The following CNIH1 variants were observed in gnomAD, a reference collection of about 807,000 sequenced individuals.
The protein encoded by CNIH1 is protein cornichon homolog 1.
CNIH1 carries 12 observed loss-of-function variants against 20.2 expected under a neutral mutation model. The ratio of observed to expected loss-of-function variants is 0.59; its 90% CI spans 0.38 to 0.96. The LOEUF (loss-of-function observed/expected upper bound fraction) is 0.96, where lower values mean the gene tolerates loss of function less well. Ranked by LOEUF, CNIH1 falls within the 40% of genes least tolerant of loss-of-function variation. The pLI is 0.00. For missense variants in CNIH1, 152 were observed against 178.8 expected, an observed-to-expected ratio of 0.85 and a Z score of 0.85; for synonymous variants, 69 against 63.3, an observed-to-expected ratio of 1.09 and a Z score of -0.43.
At chr14:54,429,618 G>A (rs10131254) in intron 4 of CNIH1, among the ~76,000 whole-genome samples, 2,277 of 152,200 alleles carry the variant, frequency 0.015, 50 homozygotes, top group African/African-American at 0.051. Context: ...AATTAGCCGG[G>A]CGTGGTGGTG....
chr14:54,432,307 A>T (rs1432904082), intron 2 of CNIH1, 87 bp from the exon 3 acceptor site: 1 of 576,058 alleles, frequency 1.7e-6, no homozygotes, highest in African/African-American at 2.0e-5. Flanking sequence ...CCAAGTTTCC[A>T]TAATGAAAAA....
intron 1 of CNIH1, among the ~76,000 whole-genome samples, chr14:54,440,844 T>G (rs535631789): frequency 6.7e-4 from 102 of 152,344 alleles, no homozygotes; most frequent in African/African-American, 2.4e-3. Context: ...AGTCAATCTG[T>G]ATTAACAAAA....
intron 2 of CNIH1, 23 bp downstream of exon 2, chr14:54,436,346 A>T: frequency 7.6e-7 from 1 of 1,317,704 alleles, no homozygotes; most frequent in Non-Finnish European, 1.1e-6. Flanking sequence ...AAATCTAAAG[A>T]TAAATCCTAT....
intron 4 of CNIH1, among the ~76,000 whole-genome samples, chr14:54,429,654 G>A (rs1161215975): frequency 6.6e-6 from 1 of 152,114 alleles, no homozygotes; most frequent in Non-Finnish European, 1.5e-5. Flanking sequence ...AGCTACTCAG[G>A]AGGCTGAGGC....
At chr14:54,430,232 G>T in intron 4 of CNIH1, 29 bp downstream of exon 4, 2 of 1,607,910 alleles carry the variant, frequency 1.2e-6, no homozygotes, top group Non-Finnish European at 1.7e-6. Flanking sequence ...CAAAGTGAAA[G>T]CATATTTCAT....
At chr14:54,437,571 T>C (rs1256167072) in intron 1 of CNIH1, among the ~76,000 whole-genome samples, 1 of 152,172 alleles carries the variant, frequency 6.6e-6, no homozygotes, top group Non-Finnish European at 1.5e-5. Context: ...TTGTTGTATT[T>C]ACTATTATGT....
Position 54,431,169 on chromosome 14 carries a change from C to T in CNIH1, c.264-765G>A, listed in dbSNP as rs368505229. Among the ~76,000 whole-genome samples the T allele has an allele frequency of 4.0e-5, 6 of 151,292 alleles. No homozygotes were observed. The South Asian group carries it at 6.3e-4, about 16-fold the overall frequency. On this transcript the variant is annotated intron_variant, in intron 3 of 4. Transcript: ENST00000216416. ...TTTGAGACAGAGTCTTGCTCTGTTG[C>T]CCAGGCTGGAGTGCAGTGACACGAT... is the stretch of plus-strand genomic sequence containing the variant.
At chr14:54,432,323 G>C (rs1415005145) in intron 2 of CNIH1, 103 bp from the exon 3 acceptor site, 1 of 533,656 alleles carries the variant, frequency 1.9e-6, no homozygotes, top group African/African-American at 2.0e-5. Context: ...AAAAATCACT[G>C]TTTTCTTAGA....
chr14:54,423,863 A>G lies in CNIH1; in HGVS notation c.*3951T>C, dbSNP rs1463766065. The G allele has an allele frequency of 6.6e-6, 1 of 152,210 alleles. No individual in the cohort carries two copies. Among genetic ancestry groups the G allele is most frequent in the African/African-American group, 2.4e-5 (1 of 41,448 alleles). 9.4% of individuals were successfully genotyped at this position (152,210 alleles called of 1,614,324 possible). ...AGACGCAATCCTTATGCAGGTCAAGATGTTCTCCACATCTACAATGTGCAT... is the reference window on the plus strand; with the variant it reads ...AGACGCAATCCTTATGCAGGTCAAGGTGTTCTCCACATCTACAATGTGCAT... On this transcript the variant is annotated 3_prime_UTR_variant, in exon 5 of 5. Coordinates refer to ENST00000216416, the MANE Select transcript of CNIH1 (RefSeq NM_005776.3).
At chr14:54,431,076 C>G (rs1417586307) in intron 3 of CNIH1, among the ~76,000 whole-genome samples, 1 of 152,142 alleles carries the variant, frequency 6.6e-6, no homozygotes, top group Admixed American at 6.5e-5. Context: ...CCACCTGCCT[C>G]AGCCTCTCAA....
intron 2 of CNIH1, among the ~76,000 whole-genome samples, chr14:54,433,474 A>G (rs2030988986): frequency 6.6e-6 from 1 of 152,238 alleles, no homozygotes; most frequent in Non-Finnish European, 1.5e-5. Context: ...ACAATAACAA[A>G]GGATAAACTC....
At chr14:54,435,940 T>C in intron 2 of CNIH1, 1 of 590,698 alleles carries the variant, frequency 1.7e-6, no homozygotes, top group Non-Finnish European at 3.0e-6. Flanking sequence ...TTGCATAAAA[T>C]ATGAAATTTC....
At chr14:54,439,609 G>A (rs542307343) in intron 1 of CNIH1, among the ~76,000 whole-genome samples, 1 of 150,914 alleles carries the variant, frequency 6.6e-6, no homozygotes, top group East Asian at 2.0e-4. Flanking sequence ...GTGCAGTGGC[G>A]CCATCGCGGC....
chr14:54,441,006 G>A (rs540670762), intron 1 of CNIH1, among the ~76,000 whole-genome samples: 3 of 151,978 alleles, frequency 2.0e-5, no homozygotes, highest in African/African-American at 4.8e-5. Flanking sequence ...TCCAGTAGGG[G>A]AGGAGTAGCG....
In CNIH1 at chr14:54,428,775, T is replaced by C. The variant is rs375967316; in HGVS notation, c.408-934A>G. Among the ~76,000 whole-genome samples the C allele has an allele frequency of 3.2e-4, 49 of 152,376 alleles. 2 individuals carry two copies. Among genetic ancestry groups the C allele is most frequent in the African/African-American group, 1.1e-3 (47 of 41,590 alleles). ...CTTTTCAGAGCACTTCTTTGTTTCA[T>C]AGATGAGTAATATCTGCATATGCAC... is the stretch of plus-strand genomic sequence containing the variant. On this transcript the variant is annotated intron_variant, in intron 4 of 4. Transcript: ENST00000216416.
rs1347154330 is a variant in CNIH1 at position 54,432,254 on chromosome 14, C to T, written c.151-34G>A. The T allele has an allele frequency of 4.1e-6, 5 of 1,233,242 alleles. No homozygotes were observed. The African/African-American group carries it at 7.7e-5, about 19-fold the overall frequency. 76.4% of individuals were successfully genotyped at this position (1,233,242 alleles called of 1,614,324 possible). On this transcript the variant is annotated intron_variant, in intron 2 of 4. Coordinates refer to ENST00000216416, the MANE Select transcript of CNIH1 (RefSeq NM_005776.3). ...AAAACACAAGCCAGTTATCAAAATG[C>T]CTCAGCATTAAGTCAACTACTAATC...
At chr14:54,435,057 G>T (rs1278653249) in intron 2 of CNIH1, among the ~76,000 whole-genome samples, 1 of 152,066 alleles carries the variant, frequency 6.6e-6, no homozygotes, top group Non-Finnish European at 1.5e-5. Flanking sequence ...TAGTACACTA[G>T]TATGCTAGAC....
rs2030831327 is a variant in CNIH1, at chr14:54,426,603, A to T, written c.*1211T>A. On this transcript the variant is annotated 3_prime_UTR_variant, in exon 5 of 5. Transcript: ENST00000216416. ...GCCTTACAAGCAGCAGCAAAAACTC[A>T]AATTTACAAGCCATTTTACCTTAAA... 6.6e-6 allele frequency: 1 copy of T among 152,200 alleles called. No individual in the cohort carries two copies. Among genetic ancestry groups the T allele is most frequent in the Non-Finnish European group, 1.5e-5 (1 of 68,034 alleles). The allele number at this position is 152,200 out of a possible 1,614,324, so 9.4% of individuals were successfully genotyped here.
chr14:54,438,065 C>T (rs997533858), intron 1 of CNIH1, among the ~76,000 whole-genome samples: 1 of 151,956 alleles, frequency 6.6e-6, no homozygotes, highest in African/African-American at 2.4e-5. Flanking sequence ...CTGCAACCTC[C>T]ACCTCCTCGG....
Sources: allele counts gnomAD v4.1 joint callset (sites outside exome capture counted in the v4.1 genomes callset), GRCh38; gene constraint gnomAD v4.1.1; transcripts MANE v1.5; gene names NCBI Gene and HGNC (gene_info 2026-07-23, HGNC 2026-07-21).